MED25: variants seen among roughly 807,000 people sequenced by gnomAD.
MED25 encodes the protein mediator of RNA polymerase II transcription subunit 25.
A neutral mutation model predicts 89.4 loss-of-function variants in MED25; 62 were observed. The observed-to-expected ratio is 0.69, with a 90% CI of 0.57 to 0.86. MED25 has a LOEUF of 0.86. Ranked by LOEUF, MED25 falls within the 40% of genes least tolerant of loss-of-function variation. The pLI, the probability that MED25 is intolerant of heterozygous loss-of-function variation, is 0.00. For synonymous variants in MED25, 449 were observed against 427.9 expected (o/e 1.05, Z -0.61); for missense variants, 905 against 1,005.2 (o/e 0.90, Z 1.35).
Position 49,831,920 on chromosome 19 carries a change from C to T in MED25, c.1231-16C>T. The T allele has an allele frequency of 6.2e-7, 1 of 1,612,972 alleles. No individual in the cohort carries two copies. Among genetic ancestry groups the T allele is most frequent in the East Asian group, 2.2e-5 (1 of 44,874 alleles). On this transcript the variant is annotated splice_polypyrimidine_tract_variant and intron_variant, in intron 10 of 17. Transcript: ENST00000312865. This position sits in a 1 kb window ranked among gnomAD's most constrained non-coding sequence, Gnocchi z 5.0. ...TTATGGCCCTTTTTACTGACATGCTCTTTTTTCCCCCTCAGAAACCCAAAC... is the reference window on the plus strand; with the variant it reads ...TTATGGCCCTTTTTACTGACATGCTTTTTTTTCCCCCTCAGAAACCCAAAC...
At position 49,835,828 on chromosome 19, in the gene MED25, T is replaced by C; in HGVS notation, c.1848T>C (p.Gly616=). ...QPQGTAQPPP[G]APQGPPGAAS... ...AAGGTACTGCCCAGCCCCCGCCAGG[T>C]GCCCCTCAAGGCCCTCCTGGAGCAG... The change falls in exon 16 of 18, where the codon GGT becomes GGC. Residue 616 remains glycine, a synonymous_variant. Coordinates refer to ENST00000312865, the MANE Select transcript of MED25 (RefSeq NM_030973.4). The surrounding 1 kb of genome is among the most constrained non-coding windows in gnomAD (Gnocchi z 6.2). 1 of 1,610,206 alleles carries C rather than the reference T, an allele frequency of 6.2e-7. No individual in the cohort carries two copies. Among genetic ancestry groups the C allele is most frequent in the Non-Finnish European group, 8.5e-7 (1 of 1,178,058 alleles).
chr19:49,823,509 A>G (rs186123741), intron 3 of MED25, among the ~76,000 whole-genome samples: 2 of 151,862 alleles, frequency 1.3e-5, no homozygotes, highest in East Asian at 1.9e-4. Context: ...TGGTTTGCAA[A>G]TGGATAATGG....
chr19:49,832,084 C>T lies in MED25; in HGVS notation c.1317-16C>T. The T allele has an allele frequency of 6.2e-7, 1 of 1,613,930 alleles. No homozygotes were observed. Among genetic ancestry groups the T allele is most frequent in the Non-Finnish European group, 8.5e-7 (1 of 1,180,008 alleles). On this transcript the variant is annotated splice_polypyrimidine_tract_variant and intron_variant, in intron 11 of 17. Transcript: ENST00000312865. The stretch of plus-strand genomic sequence containing the variant: ...GGCTGGCCCCCTCCTCACACCTCTC[C>T]TGGCATCGCCCCCAGGAAGACGGAG...
Position 49,835,954 on chromosome 19 carries a change from T to C in MED25, c.1965+9T>C, listed in dbSNP as rs2074094763. The C allele has an allele frequency of 3.7e-6, 6 of 1,612,650 alleles. 1 individual carries two copies. In the African/African-American group the frequency reaches 5.3e-5, roughly 14 times the overall value. On this transcript the variant is annotated intron_variant, in intron 16 of 17. Transcript: ENST00000312865. The surrounding 1 kb of genome is among the most constrained non-coding windows in gnomAD (Gnocchi z 6.2). The stretch of plus-strand genomic sequence containing the variant: ...TCCTCAACCCACCACCGGTGAGATG[T>C]TGGGGTGGGGTAGCGAGAGTTCCAG...
chr19:49,831,885 G>A lies in MED25; in HGVS notation c.1231-51G>A, dbSNP rs753314539. 1.2e-5 allele frequency: 18 copies of A among 1,532,070 alleles called. No homozygotes were observed. The highest frequency in any genetic ancestry group is 1.5e-5 in the Non-Finnish European group (17 of 1,105,564). The allele number at this position is 1,532,070 out of a possible 1,614,324, so 94.9% of individuals were successfully genotyped here. On this transcript the variant is annotated intron_variant, in intron 10 of 17. Coordinates refer to ENST00000312865, the MANE Select transcript of MED25 (RefSeq NM_030973.4). This position sits in a 1 kb window ranked among gnomAD's most constrained non-coding sequence, Gnocchi z 5.0. ...CAGGGTAGGACATGAGGGCTCAAGG[G>A]GACTGAGGCTTATGGCCCTTTTTAC... is the stretch of plus-strand genomic sequence containing the variant.
chr19:49,839,524 C>T (rs1180086657), downstream of MED25: 1 of 152,462 alleles, frequency 6.6e-6, no homozygotes, highest in Non-Finnish European at 1.5e-5. Context: ...TGGAAGAAAT[C>T]TGAACTGTTC....
Position 49,836,421 on chromosome 19 carries a change from G to T in MED25, c.2146+15G>T. 6.3e-7 allele frequency: 1 copy of T among 1,575,040 alleles called. No individual in the cohort carries two copies. Among genetic ancestry groups the T allele is most frequent in the Non-Finnish European group, 8.6e-7 (1 of 1,159,894 alleles). ...TCCACTGCCAGGTAAGGGGACCCGGGGGAGGGCAGAGGTCTGGACTGAGTG... is the reference window on the plus strand; with the variant it reads ...TCCACTGCCAGGTAAGGGGACCCGGTGGAGGGCAGAGGTCTGGACTGAGTG... On this transcript the variant is annotated intron_variant, in intron 17 of 17. Coordinates refer to ENST00000312865, the MANE Select transcript of MED25 (RefSeq NM_030973.4). The surrounding 1 kb of genome is among the most constrained non-coding windows in gnomAD (Gnocchi z 5.1).
At chr19:49,821,195 C>G (rs1004055718) in intron 3 of MED25, among the ~76,000 whole-genome samples, 11 of 152,172 alleles carry the variant, frequency 7.2e-5, no homozygotes, top group African/African-American at 2.7e-4. Context: ...GCCACAAGAC[C>G]TCTCCACAGG....
At chr19:49,823,472 T>A (rs1195037203) in intron 3 of MED25, among the ~76,000 whole-genome samples, 1 of 152,170 alleles carries the variant, frequency 6.6e-6, no homozygotes, top group Non-Finnish European at 1.5e-5. Context: ...GTGTAAGTGT[T>A]TCCTAGGATT....
In MED25 at chr19:49,830,546, G is replaced by A. The variant is rs374949762; in HGVS notation, c.855G>A (p.Ala285=). ...ACCTGAGTGCAGCTCAGGTGGCCGC[G>A]CAGAATGCAGTGGAGGCTGCCAAGA... The part of the protein sequence containing the change: ...PGNLSAAQVA[A]QNAVEAAKNQ... Residue 285 remains alanine, a synonymous_variant, in exon 8 of 18, where the codon GCG becomes GCA. Coordinates refer to ENST00000312865, the MANE Select transcript of MED25 (RefSeq NM_030973.4). The surrounding 1 kb of genome is among the most constrained non-coding windows in gnomAD (Gnocchi z 4.6). 54 of 1,614,002 alleles carry A rather than the reference G, an allele frequency of 3.3e-5. No individual in the cohort carries two copies. Among genetic ancestry groups the A allele is most frequent in the Admixed American group, 1.0e-4 (6 of 60,004 alleles).
In MED25 at chr19:49,830,568, A is replaced by G. The variant is rs1289542172; in HGVS notation, c.877A>G (p.Lys293Glu). Reference protein sequence around the residue: ...VAAQNAVEAAKNQKAGLGPRF... With the variant: ...VAAQNAVEAAENQKAGLGPRF... ...CGCGCAGAATGCAGTGGAGGCTGCC[A>G]AGAACCAGAAGGCTGGGCTGGGCCC... is the stretch of plus-strand genomic sequence containing the variant. The change falls in exon 8 of 18, where the codon AAG becomes GAG. Residue 293 changes from lysine (K) to glutamate (E), a missense_variant. By Grantham distance (56) the Lys-to-Glu change is moderately conservative. Transcript: ENST00000312865. This position sits in a 1 kb window ranked among gnomAD's most constrained non-coding sequence, Gnocchi z 4.6. The G allele has an allele frequency of 1.2e-6, 2 of 1,614,164 alleles. No homozygotes were observed. Among genetic ancestry groups the G allele is most frequent in the Admixed American group, 1.7e-5 (1 of 60,022 alleles).
At position 49,835,434 on chromosome 19, in the gene MED25, C is replaced by T. The variant is rs903479967; in HGVS notation, c.1675-100C>T. 8 of 1,219,970 alleles carry T rather than the reference C, an allele frequency of 6.6e-6. No individual in the cohort carries two copies. In the African/African-American group the frequency reaches 1.1e-4, roughly 16 times the overall value. The allele number at this position is 1,219,970 out of a possible 1,614,324, so 75.6% of individuals were successfully genotyped here. The stretch of plus-strand genomic sequence containing the variant: ...CCACTCACCCCCAAAGAGAATGTCC[C>T]CATCTCCTTACTAGTTCCCCTCAGG... On this transcript the variant is annotated intron_variant, in intron 14 of 17. Coordinates refer to ENST00000312865, the MANE Select transcript of MED25 (RefSeq NM_030973.4). This position sits in a 1 kb window ranked among gnomAD's most constrained non-coding sequence, Gnocchi z 6.2.
intron 3 of MED25, among the ~76,000 whole-genome samples, chr19:49,821,493 G>A (rs1481423694): frequency 2.6e-5 from 4 of 152,344 alleles, no homozygotes; most frequent in South Asian, 2.1e-4. Context: ...TAGGTCGGGC[G>A]TGGTGGCTCA....
downstream of MED25, chr19:49,838,421 C>T (rs2074114424): frequency 1.1e-5 from 4 of 376,474 alleles, no homozygotes; most frequent in Middle Eastern, 4.2e-4. Context: ...CTCCATGGGG[C>T]GTGTGCTTTC....
chr19:49,827,016 G>T (rs570887338), intron 3 of MED25, among the ~76,000 whole-genome samples: 1 of 152,278 alleles, frequency 6.6e-6, no homozygotes, highest in Non-Finnish European at 1.5e-5. Context: ...GGCCTCACAT[G>T]TGCCCCGCTG....
At position 49,830,350 on chromosome 19, in the gene MED25, CTT is replaced by C; in HGVS notation, c.819+133_819+134del. 8.5e-7 allele frequency: 1 copy of C among 1,180,554 alleles called. No homozygotes were observed. The highest frequency in any genetic ancestry group is 1.2e-6 in the Non-Finnish European group (1 of 816,948). 73.1% of individuals were successfully genotyped at this position (1,180,554 alleles called of 1,614,324 possible). On this transcript the variant is annotated intron_variant, in intron 7 of 17. Transcript: ENST00000312865. The surrounding 1 kb of genome is among the most constrained non-coding windows in gnomAD (Gnocchi z 4.6). ...CATGGGACATTGGGAAGGTGGGACT[CTT>C]GGGGCCATGGAAGCTCATGTGCTGT... is the stretch of plus-strand genomic sequence containing the variant.
chr19:49,829,911 G>A lies in MED25; in HGVS notation c.651G>A (p.Pro217=), dbSNP rs532875863. Reference sequence around the variant, plus strand: ...CTCCGACAGATGTGAGCCAGGACCCGAGGCACATGGTGCTGGTTCGGGGAC... The same window carrying A: ...CTCCGACAGATGTGAGCCAGGACCCAAGGCACATGGTGCTGGTTCGGGGAC... The part of the protein sequence containing the change: ...LQPPTDVSQD[P]RHMVLVRGLV... The change falls in exon 6 of 18, where the codon CCG becomes CCA. Residue 217 remains proline, a synonymous_variant. Transcript: ENST00000312865. This position sits in a 1 kb window ranked among gnomAD's most constrained non-coding sequence, Gnocchi z 4.6. The A allele has an allele frequency of 3.7e-6, 6 of 1,613,408 alleles. No homozygotes were observed. Among genetic ancestry groups the A allele is most frequent in the East Asian group, 2.2e-5 (1 of 44,872 alleles).
At position 49,835,487 on chromosome 19, in the gene MED25, G is replaced by C. The variant is rs2123887511; in HGVS notation, c.1675-47G>C. ...ACAGGCCCTCCCGCCTCAGATTCAG[G>C]ATGCCACCACCCTCAGTTACTGACC... On this transcript the variant is annotated intron_variant, in intron 14 of 17. Transcript: ENST00000312865. The surrounding 1 kb of genome is among the most constrained non-coding windows in gnomAD (Gnocchi z 6.2). 1 of 1,495,260 alleles carries C rather than the reference G, an allele frequency of 6.7e-7. No homozygotes were observed. 92.6% of individuals were successfully genotyped at this position (1,495,260 alleles called of 1,614,324 possible). A position where few individuals can be genotyped will look rare whatever the true frequency, so the allele number is the denominator to read the frequency against.
In MED25 at chr19:49,819,219, C is replaced by T. The variant is rs770196362; in HGVS notation, c.228C>T (p.Cys76=). The change falls in exon 3 of 18, where the codon TGC becomes TGT. Residue 76 remains cysteine, a synonymous_variant. Transcript: ENST00000312865. ...YSLVVFNTVD[C]APESYVQCHA... ...TCGTGGTGTTCAACACAGTGGACTG[C>T]GCTCCCGAGTCCTACGTACAATGTC... 83 of 1,614,050 alleles carry T rather than the reference C, an allele frequency of 5.1e-5. 1 individual carries two copies. The South Asian group carries it at 8.3e-4, about 16-fold the overall frequency.
Sources: gnomAD v4.1 joint callset for allele counts (sites outside exome capture counted in the v4.1 genomes callset) on GRCh38, gnomAD v4.1.1 for gene constraint, Gnocchi (gnomAD v3.1) non-coding constraint, MANE v1.5 for transcripts, NCBI Gene and HGNC (gene_info 2026-07-23, HGNC 2026-07-21) for gene names.